Variants in LARP4B observed in about 807,000 individuals in gnomAD.
LARP4B encodes the protein la-related protein 4B.
A neutral mutation model predicts 89.8 loss-of-function variants in LARP4B; 12 were observed. That is an observed-to-expected ratio of 0.13 (90% CI 0.09 to 0.22). The LOEUF (loss-of-function observed/expected upper bound fraction) is 0.22. Ranked by LOEUF, LARP4B falls within the 10% of genes least tolerant of loss-of-function variation. LARP4B has a pLI of 1.00. For synonymous variants in LARP4B, 367 were observed against 363.3 expected, an observed-to-expected ratio of 1.01 and a Z score of -0.12; for missense variants, 757 against 947.7, an observed-to-expected ratio of 0.80 and a Z score of 2.64.
chr10:919,118 C>T (rs1459080318), intron 1 of LARP4B, among the ~76,000 whole-genome samples: 1 of 152,090 alleles, frequency 6.6e-6, no homozygotes, highest in East Asian at 1.9e-4. Flanking sequence ...ACTATTAATA[C>T]TTTGTTTAAC....
intron 12 of LARP4B, 120 bp from the exon 13 acceptor site, chr10:825,436 T>C: frequency 9.9e-7 from 1 of 1,007,692 alleles, no homozygotes; most frequent in African/African-American, 1.6e-5. Context: ...AGTATAAAAA[T>C]AGGATTTGGA....
At chr10:959,801 CGTCATTCCCACCTCCT>C in the LARP4B span, among the ~76,000 whole-genome samples, 1 of 131,354 alleles carries the variant, frequency 7.6e-6, no homozygotes, top group African/African-American at 2.9e-5. Context: ...CCCACCTCCT[CGTCATTCCCACCTCCT>C]CGTCATTCCC....
the LARP4B span, chr10:972,165 C>G: frequency 7.0e-6 from 2 of 284,880 alleles, no homozygotes; most frequent in East Asian, 1.7e-4. Flanking sequence ...GTAGCTAGGA[C>G]TACAGGCATG....
chr10:903,042 T>A (rs1416074753), intron 1 of LARP4B, among the ~76,000 whole-genome samples: 3 of 152,204 alleles, frequency 2.0e-5, no homozygotes, highest in Admixed American at 6.5e-5. Flanking sequence ...CATTTTTCTG[T>A]CCATCAGCAT....
At chr10:851,642 G>A (rs964618378) in intron 5 of LARP4B, among the ~76,000 whole-genome samples, 1 of 152,188 alleles carries the variant, frequency 6.6e-6, no homozygotes, top group Non-Finnish European at 1.5e-5. Context: ...ACTCTGTGCT[G>A]TAAATCCCAC....
the LARP4B span, among the ~76,000 whole-genome samples, chr10:974,922 T>C: frequency 6.6e-6 from 1 of 152,178 alleles, no homozygotes; most frequent in Non-Finnish European, 1.5e-5. Flanking sequence ...GAGATGATAG[T>C]GTGACTGGGA....
chr10:875,608 T>C lies in LARP4B; in HGVS notation c.141+8839A>G, dbSNP rs1835422436. Among the ~76,000 whole-genome samples the C allele has an allele frequency of 2.6e-5, 4 of 152,358 alleles. No homozygotes were observed. The South Asian group carries it at 6.2e-4, about 24-fold the overall frequency. ...AAAGAACAGAGATTATTTCACACAATTCTGGAGGCTGAGAGTCTCAAGTCG... is the reference window on the plus strand; with the variant it reads ...AAAGAACAGAGATTATTTCACACAACTCTGGAGGCTGAGAGTCTCAAGTCG... On this transcript the variant is annotated intron_variant, in intron 3 of 17. Transcript: ENST00000316157.
chr10:823,450 G>A (rs1255264733), intron 13 of LARP4B, among the ~76,000 whole-genome samples: 1 of 152,178 alleles, frequency 6.6e-6, no homozygotes, highest in Non-Finnish European at 1.5e-5. Flanking sequence ...TCGTCAGCAA[G>A]CTTTGGACTC....
chr10:872,386 G>A (rs915760549), intron 3 of LARP4B, among the ~76,000 whole-genome samples: 1 of 152,320 alleles, frequency 6.6e-6, no homozygotes, highest in East Asian at 1.9e-4. Context: ...GCACTGAAGA[G>A]CAACACTCTC....
chr10:883,666 G>A (rs1835757056), intron 3 of LARP4B, among the ~76,000 whole-genome samples: 1 of 151,420 alleles, frequency 6.6e-6, no homozygotes, highest in Non-Finnish European at 1.5e-5. Flanking sequence ...AGGCATGGTG[G>A]CTCACGCCTG....
intron 1 of LARP4B, among the ~76,000 whole-genome samples, chr10:906,759 C>A (rs1338547389): frequency 1.3e-5 from 2 of 152,220 alleles, no homozygotes; most frequent in Non-Finnish European, 2.9e-5. Context: ...TAACCAATCT[C>A]TCTTATTGAA....
chr10:859,570 T>C (rs1278160783), intron 5 of LARP4B, among the ~76,000 whole-genome samples: 2 of 152,240 alleles, frequency 1.3e-5, no homozygotes, highest in Non-Finnish European at 2.9e-5. Context: ...TACAAAAACC[T>C]GCACATGAAT....
chr10:968,805 C>T, the LARP4B span, among the ~76,000 whole-genome samples: 5 of 152,230 alleles, frequency 3.3e-5, no homozygotes, highest in East Asian at 7.7e-4. Context: ...TGATGGCTTC[C>T]TGCGCGACAG....
At chr10:961,446 G>A in the LARP4B span, among the ~76,000 whole-genome samples, 456 of 136,164 alleles carry the variant, frequency 3.3e-3, 8 homozygotes, top group African/African-American at 0.012. Flanking sequence ...TCATGGCAGC[G>A]TGGTGCCAGC....
At chr10:967,638 AGAATCG>A in the LARP4B span, among the ~76,000 whole-genome samples, 1 of 152,198 alleles carries the variant, frequency 6.6e-6, no homozygotes, top group Non-Finnish European at 1.5e-5. Flanking sequence ...TGCTGCGGAG[AGAATCG>A]GAAGCCAGCC....
At chr10:905,211 C>T (rs1836457165) in intron 1 of LARP4B, among the ~76,000 whole-genome samples, 1 of 152,170 alleles carries the variant, frequency 6.6e-6, no homozygotes, top group African/African-American at 2.4e-5. Flanking sequence ...TAATACAGCC[C>T]TGGAGGCACT....
rs774038096 is a variant in LARP4B, at chr10:885,725, C to T, written c.-4G>A. The T allele has an allele frequency of 1.9e-6, 3 of 1,613,314 alleles. No homozygotes were observed. Among genetic ancestry groups the T allele is most frequent in the Non-Finnish European group, 2.5e-6 (3 of 1,179,378 alleles). The stretch of plus-strand genomic sequence containing the variant: ...TAGCGTCCTGATCAGAAGTCATGGG[C>T]TCCACTGGGAGAAGTGTAATGCTAA... On this transcript the variant is annotated 5_prime_UTR_variant, in exon 2 of 18. Transcript: ENST00000316157.
chr10:964,134 T>C, the LARP4B span, among the ~76,000 whole-genome samples: 25 of 152,334 alleles, frequency 1.6e-4, no homozygotes, highest in African/African-American at 6.0e-4. Context: ...TGGCGTGATC[T>C]CTGCTCACTG....
In LARP4B at chr10:812,524, C is replaced by T. The variant is rs78608705; in HGVS notation, c.*402G>A. The T allele has an allele frequency of 2.7e-5, 4 of 145,596 alleles. No individual in the cohort carries two copies. The highest frequency in any genetic ancestry group is 1.0e-4 in the African/African-American group (4 of 39,308). 9.0% of individuals were successfully genotyped at this position (145,596 alleles called of 1,614,324 possible). A position where few individuals can be genotyped will look rare whatever the true frequency, so the allele number is the denominator to read the frequency against. ...TGCGGGGACGTTCTAGAGATATGCA[C>T]TTACAGACCAGTTACTTAAAAAAAA... On this transcript the variant is annotated 3_prime_UTR_variant, in exon 18 of 18. Coordinates refer to ENST00000316157, the MANE Select transcript of LARP4B (RefSeq NM_015155.3).
Sources: gnomAD v4.1 joint callset for allele counts (sites outside exome capture counted in the v4.1 genomes callset) on GRCh38, gnomAD v4.1.1 for gene constraint, MANE v1.5 for transcripts, NCBI Gene and HGNC (gene_info 2026-07-23, HGNC 2026-07-21) for gene names.